KHSRP: variants seen among roughly 807,000 people sequenced by gnomAD.
KHSRP encodes KH-type splicing regulatory protein.
KHSRP carries 13 observed loss-of-function variants against 94.9 expected under a neutral mutation model. The ratio of observed to expected loss-of-function variants is 0.14; its 90% CI spans 0.09 to 0.22. The LOEUF (loss-of-function observed/expected upper bound fraction) is 0.22. KHSRP is among the 10% of genes least tolerant of loss of function. The probability of loss-of-function intolerance (pLI) is 1.00; values close to 1 mark genes in which losing one functional copy is unlikely to be tolerated. For missense variants in KHSRP, 710 were observed against 1,010.0 expected (o/e 0.70, Z 4.03); for synonymous variants, 495 against 401.4 (o/e 1.23, Z -2.79).
chr19:6,415,981 G>A lies in KHSRP; in HGVS notation c.1599-85C>T, dbSNP rs545501088. 2.8e-4 allele frequency: 251 copies of A among 884,696 alleles called. 1 individual carries two copies. Among genetic ancestry groups the A allele is most frequent in the Non-Finnish European group, 2.5e-4 (146 of 589,402 alleles). The allele number at this position is 884,696 out of a possible 1,614,324, so 54.8% of individuals were successfully genotyped here. A position where few individuals can be genotyped will look rare whatever the true frequency, so the allele number is the denominator to read the frequency against. ...ACCTGGGGTGGGGATGTTTTTCAGTGGGGAGGCGCCAGAGACCCAGACCAC... is the reference window on the plus strand; with the variant it reads ...ACCTGGGGTGGGGATGTTTTTCAGTAGGGAGGCGCCAGAGACCCAGACCAC... On this transcript the variant is annotated intron_variant, in intron 15 of 18. Coordinates refer to ENST00000600480, the MANE Select transcript of KHSRP (RefSeq NM_001366299.1).
At chr19:6,420,342 C>G in intron 5 of KHSRP, 80 bp downstream of exon 5, 3 of 1,425,286 alleles carry the variant, frequency 2.1e-6, no homozygotes, top group Non-Finnish European at 3.0e-6. Context: ...CAGACCAGGG[C>G]TTCTGGGCTG....
chr19:6,417,875 G>A (rs781025670), intron 10 of KHSRP, 34 bp from the exon 11 acceptor site: 32 of 1,605,624 alleles, frequency 2.0e-5, no homozygotes, highest in Non-Finnish European at 2.5e-5. Context: ...AGCTCGGCCC[G>A]CAGCTCTGCT....
chr19:6,415,957 C>G (rs866631977), intron 15 of KHSRP, 61 bp from the exon 16 acceptor site: 1 of 1,101,460 alleles, frequency 9.1e-7, no homozygotes, highest in Non-Finnish European at 1.3e-6. Context: ...AGCCGGACCA[C>G]CTGGGGTGGG....
Position 6,420,450 on chromosome 19 carries a change from G to A in KHSRP, c.447C>T (p.Tyr149=), listed in dbSNP as rs757910909. The A allele has an allele frequency of 1.9e-6, 3 of 1,613,836 alleles. No homozygotes were observed. The highest frequency in any genetic ancestry group is 2.2e-5 in the South Asian group (2 of 91,084). The change falls in exon 5 of 19, where the codon TAC becomes TAT. Residue 149 remains tyrosine, a synonymous_variant. Coordinates refer to ENST00000600480, the MANE Select transcript of KHSRP (RefSeq NM_001366299.1). ...PPPRTSMTEE[Y]RVPDGMVGLI... ...GGCCCACCATGCCGTCTGGGACCCTGTACTCTTCTGTCATTGAAGTCCTGT... is the reference window on the plus strand; with the variant it reads ...GGCCCACCATGCCGTCTGGGACCCTATACTCTTCTGTCATTGAAGTCCTGT...
At position 6,413,360 on chromosome 19, in the gene KHSRP, T is replaced by C. The variant is rs1008235038; in HGVS notation, c.*1664A>G. The C allele has an allele frequency of 1.0e-5, 4 of 390,586 alleles. No homozygotes were observed. The highest frequency in any genetic ancestry group is 5.3e-5 in the South Asian group (3 of 56,250). The allele number at this position is 390,586 out of a possible 1,614,324, so 24.2% of individuals were successfully genotyped here. A position where few individuals can be genotyped will look rare whatever the true frequency, so the allele number is the denominator to read the frequency against. On this transcript the variant is annotated 3_prime_UTR_variant, in exon 19 of 19. Transcript: ENST00000600480. ...ACCCGCAGACGGGGAGGTTTTGTTA[T>C]CATTTATTTGTGAAGTTAAAAACGA...
At chr19:6,416,134 G>A (rs895977901) in intron 15 of KHSRP, among the ~76,000 whole-genome samples, 164 bp downstream of exon 15, 1 of 152,226 alleles carries the variant, frequency 6.6e-6, no homozygotes, top group Non-Finnish European at 1.5e-5. Context: ...AAAGGCACAT[G>A]CTCTACCAGT....
rs778341180 is a variant in KHSRP at position 6,416,477 on chromosome 19, C to T, written c.1488+13G>A. ...GCTGTGAGACCAAATCCCCAGAGCC[C>T]GCCCCAACCCACCTCGATCTTTTCC... On this transcript the variant is annotated intron_variant, in intron 14 of 18. Coordinates refer to ENST00000600480, the MANE Select transcript of KHSRP (RefSeq NM_001366299.1). 6 of 1,612,216 alleles carry T rather than the reference C, an allele frequency of 3.7e-6. No individual in the cohort carries two copies. The highest frequency in any genetic ancestry group is 5.1e-6 in the Non-Finnish European group (6 of 1,179,312).
At chr19:6,421,779 T>A in intron 2 of KHSRP, 91 bp from the exon 3 acceptor site, 2 of 1,468,300 alleles carry the variant, frequency 1.4e-6, no homozygotes, top group South Asian at 2.3e-5. Context: ...AGGTAAACAG[T>A]GCCCCTCGGC....
At position 6,418,826 on chromosome 19, in the gene KHSRP, G is replaced by A. The variant is rs781367460; in HGVS notation, c.656C>T (p.Pro219Leu). The A allele has an allele frequency of 1.3e-6, 2 of 1,569,206 alleles. No homozygotes were observed. The highest frequency in any genetic ancestry group is 1.2e-5 in the South Asian group (1 of 85,268). ...DDIVSRGRGG[P>L]PGQFHDNANG... ...GGCGTTGTCGTGGAACTGTCCTGGG[G>A]GGCCCCCACGACCCCGAGACACAAT... The change falls in exon 8 of 19, where the codon CCC (proline) becomes CTC (leucine). Residue 219 changes from proline to leucine, a missense_variant. Physicochemically the swap from Pro to Leu is moderately conservative, Grantham distance 98. Around this residue, in one of 5 missense-constraint regions of KHSRP, gnomAD observed 288 missense variants for 501.1 expected, o/e 0.57. Transcript: ENST00000600480. The surrounding 1 kb of genome is among the most constrained non-coding windows in gnomAD (Gnocchi z 4.3).
In KHSRP at chr19:6,416,893, A is replaced by AG. The variant is rs767213258; in HGVS notation, c.1183-12dup. The stretch of plus-strand genomic sequence containing the variant: ...ACCTGGGGGACCACTCTGCAAGACA[A>AG]GAGGAGGAGGAGGATGATGAACCCT... On this transcript the variant is annotated splice_polypyrimidine_tract_variant and intron_variant, in intron 12 of 18. Transcript: ENST00000600480. The AG allele has an allele frequency of 6.3e-5, 101 of 1,611,780 alleles. No homozygotes were observed. The highest frequency in any genetic ancestry group is 8.2e-5 in the Non-Finnish European group (97 of 1,179,232).
rs2092123893 is a variant in KHSRP, at chr19:6,414,269, C to T, written c.*755G>A. 1 of 1,452,878 alleles carries T rather than the reference C, an allele frequency of 6.9e-7. No homozygotes were observed. Among genetic ancestry groups the T allele is most frequent in the Non-Finnish European group, 9.1e-7 (1 of 1,098,882 alleles). 90.0% of individuals were successfully genotyped at this position (1,452,878 alleles called of 1,614,324 possible). The stretch of plus-strand genomic sequence containing the variant: ...CGCTGGCTCAGGCTGGAAGGACGTG[C>T]TTGTTAACTGTCTAGCCAGGTGCTC... On this transcript the variant is annotated 3_prime_UTR_variant, in exon 19 of 19. Coordinates refer to ENST00000600480, the MANE Select transcript of KHSRP (RefSeq NM_001366299.1).
Position 6,415,491 on chromosome 19 carries a change from C to T in KHSRP, c.1889-34G>A, listed in dbSNP as rs2092137130. On this transcript the variant is annotated intron_variant, in intron 17 of 18. Transcript: ENST00000600480. Reference sequence around the variant, plus strand: ...GCGCCGAGACAGGTCAGAAACCACTCCCCCGGCAGGGCTGGAGCCCCCCCG... The same window carrying T: ...GCGCCGAGACAGGTCAGAAACCACTTCCCCGGCAGGGCTGGAGCCCCCCCG... The T allele has an allele frequency of 2.6e-6, 4 of 1,550,042 alleles. No individual in the cohort carries two copies. In the East Asian group the frequency reaches 9.8e-5, roughly 38 times the overall value.
At chr19:6,422,928 A>T (rs897664103) in intron 1 of KHSRP, among the ~76,000 whole-genome samples, 14 of 152,204 alleles carry the variant, frequency 9.2e-5, no homozygotes, top group Admixed American at 3.3e-4. Context: ...TTATTGAATA[A>T]ATTTGAGCAA....
At position 6,414,926 on chromosome 19, in the gene KHSRP, G is replaced by C. The variant is rs1188488011; in HGVS notation, c.*98C>G. ...CACAGGAACAAGCAGCCGGCGCAGGGAGGCCTCTTCGTTTAACCTCTGGAC... is the reference window on the plus strand; with the variant it reads ...CACAGGAACAAGCAGCCGGCGCAGGCAGGCCTCTTCGTTTAACCTCTGGAC... On this transcript the variant is annotated 3_prime_UTR_variant, in exon 19 of 19. Coordinates refer to ENST00000600480, the MANE Select transcript of KHSRP (RefSeq NM_001366299.1). The C allele has an allele frequency of 1.7e-5, 24 of 1,406,418 alleles. No homozygotes were observed. The highest frequency in any genetic ancestry group is 2.1e-5 in the Non-Finnish European group (23 of 1,086,186). The allele number at this position is 1,406,418 out of a possible 1,614,324, so 87.1% of individuals were successfully genotyped here. A position where few individuals can be genotyped will look rare whatever the true frequency, so the allele number is the denominator to read the frequency against.
At position 6,418,985 on chromosome 19, in the gene KHSRP, G is replaced by C; in HGVS notation, c.606-109C>G. 9 of 1,267,562 alleles carry C rather than the reference G, an allele frequency of 7.1e-6. No homozygotes were observed. Among genetic ancestry groups the C allele is most frequent in the Non-Finnish European group, 9.5e-6 (9 of 942,440 alleles). 78.5% of individuals were successfully genotyped at this position (1,267,562 alleles called of 1,614,324 possible). ...AGGCGACCCCAGAGTGTGCAAGGAT[G>C]ACAGGGAAGAGGGGCCAGTCACAGG... On this transcript the variant is annotated intron_variant, in intron 7 of 18. Coordinates refer to ENST00000600480, the MANE Select transcript of KHSRP (RefSeq NM_001366299.1). The surrounding 1 kb of genome is among the most constrained non-coding windows in gnomAD (Gnocchi z 4.3).
rs202196104 is a variant in KHSRP, at chr19:6,415,776, G to T, written c.1687+32C>A. 1.7e-4 allele frequency: 270 copies of T among 1,552,708 alleles called. 4 individuals carry two copies. The East Asian group carries it at 6.2e-3, about 36-fold the overall frequency. On this transcript the variant is annotated intron_variant, in intron 16 of 18. Transcript: ENST00000600480. ...GGGTGAGACGGGGGGACAGAACAGG[G>T]CCTGCCCTCCGCCAGGTGGCCCATC... is the stretch of plus-strand genomic sequence containing the variant.
chr19:6,418,963 C>A lies in KHSRP; in HGVS notation c.606-87G>T. 1 of 1,363,960 alleles carries A rather than the reference C, an allele frequency of 7.3e-7. No individual in the cohort carries two copies. The highest frequency in any genetic ancestry group is 9.7e-7 in the Non-Finnish European group (1 of 1,028,028). 84.5% of individuals were successfully genotyped at this position (1,363,960 alleles called of 1,614,324 possible). Reference sequence around the variant, plus strand: ...TGGCCCACCCAGCTCAAAGGGAAGGCGACCCCAGAGTGTGCAAGGATGACA... The same window carrying A: ...TGGCCCACCCAGCTCAAAGGGAAGGAGACCCCAGAGTGTGCAAGGATGACA... On this transcript the variant is annotated intron_variant, in intron 7 of 18. Coordinates refer to ENST00000600480, the MANE Select transcript of KHSRP (RefSeq NM_001366299.1). This position sits in a 1 kb window ranked among gnomAD's most constrained non-coding sequence, Gnocchi z 4.3.
chr19:6,414,178 A>AG lies in KHSRP; in HGVS notation c.*845dup, dbSNP rs762008747. 9 of 1,540,054 alleles carry AG rather than the reference A, an allele frequency of 5.8e-6. No homozygotes were observed. Among genetic ancestry groups the AG allele is most frequent in the South Asian group, 1.2e-5 (1 of 82,264 alleles). On this transcript the variant is annotated 3_prime_UTR_variant, in exon 19 of 19. Transcript: ENST00000600480. The stretch of plus-strand genomic sequence containing the variant: ...TACGGGGAGGGAAGGGTGGGAGACT[A>AG]GGGGGCGGAAGAGAGGAGGGGCTGG...
chr19:6,424,441 C>G lies in KHSRP; in HGVS notation c.249+12G>C. On this transcript the variant is annotated intron_variant, in intron 1 of 18. Transcript: ENST00000600480. Reference sequence around the variant, plus strand: ...CGCGCGAGCGCGCCCCTCAGGCCCTCGGCCTCCTCACCTGGCGGGCCCGCT... The same window carrying G: ...CGCGCGAGCGCGCCCCTCAGGCCCTGGGCCTCCTCACCTGGCGGGCCCGCT... 1.0e-6 allele frequency: 1 copy of G among 990,500 alleles called. No homozygotes were observed. The allele number at this position is 990,500 out of a possible 1,614,324, so 61.4% of individuals were successfully genotyped here. A position where few individuals can be genotyped will look rare whatever the true frequency, so the allele number is the denominator to read the frequency against.
Sources: allele counts gnomAD v4.1 joint callset (sites outside exome capture counted in the v4.1 genomes callset), GRCh38; gene constraint gnomAD v4.1.1; regional missense constraint gnomAD v4.1.1; non-coding constraint Gnocchi (gnomAD v3.1); transcripts MANE v1.5; gene names NCBI Gene and HGNC (gene_info 2026-07-23, HGNC 2026-07-21).